Variants in GSS observed in about 807,000 individuals in gnomAD.
GSS encodes GSH synthetase.
GSS carries 34 observed loss-of-function variants against 60.4 expected under a neutral mutation model. The ratio of observed to expected loss-of-function variants is 0.56; its 90% confidence interval spans 0.43 to 0.75. The LOEUF (loss-of-function observed/expected upper bound fraction) is 0.75. Ranked by LOEUF, GSS falls within the 30% of genes least tolerant of loss-of-function variation. The pLI, the probability that GSS is intolerant of heterozygous loss-of-function variation, is 0.00. For missense variants in GSS, 499 were observed against 595.1 expected (o/e 0.84, Z 1.68); for synonymous variants, 224 against 239.0 (o/e 0.94, Z 0.58).
Position 34,941,739 on chromosome 20 carries a change from T to C in GSS, c.582A>G (p.Lys194=). Residue 194 remains lysine (K), a synonymous_variant, in exon 6 of 13, where the codon AAA becomes AAG. Coordinates refer to ENST00000651619, the MANE Select transcript of GSS (RefSeq NM_000178.4). Reference sequence around the variant, plus strand: ...TGGGTGAGCCGTAGAGCTCCCAGGCTTTGGCAATTCCCAGGGCCAGTCCCT... The same window carrying C: ...TGGGTGAGCCGTAGAGCTCCCAGGCCTTGGCAATTCCCAGGGCCAGTCCCT... ...PSKGLALGIA[K]AWELYGSPNA... is the part of the protein sequence containing the mutation. 6.2e-7 allele frequency: 1 copy of C among 1,608,640 alleles called. No homozygotes were observed.
intron 2 of GSS, chr20:34,951,408 C>A: frequency 2.9e-6 from 1 of 349,006 alleles, no homozygotes. Context: ...GGGCAAAGTG[C>A]TTCACATGAA....
chr20:34,951,586 T>G, intron 2 of GSS, 138 bp downstream of exon 2: 1 of 943,982 alleles, frequency 1.1e-6, no homozygotes, highest in Non-Finnish European at 1.6e-6. Flanking sequence ...TATTTTCTAC[T>G]TCTAGAGATC....
intron 6 of GSS, among the ~76,000 whole-genome samples, chr20:34,937,269 T>C (rs917678426): frequency 4.6e-5 from 7 of 152,330 alleles, no homozygotes; most frequent in South Asian, 2.1e-4. Context: ...CCTTCTCCAG[T>C]GGGCAGATGA....
Position 34,928,463 on chromosome 20 carries a change from G to GAATT in GSS, c.*361_*364dup. 1 of 362,522 alleles carries GAATT rather than the reference G, an allele frequency of 2.8e-6. No homozygotes were observed. The highest frequency in any genetic ancestry group is 5.3e-6 in the Non-Finnish European group (1 of 189,692). 22.5% of individuals were successfully genotyped at this position (362,522 alleles called of 1,614,324 possible). ...CAGCAATGCAGTTTTATTTAAGGCA[G>GAATT]AATTAGGGAAAGGCTATGCCCCTCC... On this transcript the variant is annotated 3_prime_UTR_variant, in exon 13 of 13. Coordinates refer to ENST00000651619, the MANE Select transcript of GSS (RefSeq NM_000178.4).
At chr20:34,950,307 G>A (rs2081558411) in intron 2 of GSS, among the ~76,000 whole-genome samples, 1 of 152,050 alleles carries the variant, frequency 6.6e-6, no homozygotes, top group African/African-American at 2.4e-5. Context: ...ATTTACTTGG[G>A]CCTTAGCAAA....
chr20:34,935,681 T>C (rs750506249), intron 8 of GSS, 39 bp from the exon 9 acceptor site: 1 of 1,480,754 alleles, frequency 6.8e-7, no homozygotes, highest in South Asian at 1.1e-5. Flanking sequence ...TGTTAAATTA[T>C]AACTGATTTG....
intron 4 of GSS, 34 bp from the exon 5 acceptor site, chr20:34,942,661 C>CT (rs2081493345): frequency 6.2e-7 from 1 of 1,608,574 alleles, no homozygotes; most frequent in Admixed American, 1.7e-5. Flanking sequence ...CAGTACCTGC[C>CT]CAGGGACTGA....
chr20:34,942,728 A>C (rs371180184), intron 4 of GSS, 101 bp from the exon 5 acceptor site: 1 of 1,224,714 alleles, frequency 8.2e-7, no homozygotes, highest in Non-Finnish European at 1.2e-6. Flanking sequence ...CAGAGATTAG[A>C]GGTACCAGCA....
At chr20:34,932,693 C>T (rs1161299923) in intron 9 of GSS, among the ~76,000 whole-genome samples, 2 of 152,162 alleles carry the variant, frequency 1.3e-5, no homozygotes, top group African/African-American at 2.4e-5. Flanking sequence ...TCCCTGTCCA[C>T]TCTATTTAAT....
At position 34,928,654 on chromosome 20, in the gene GSS, T is replaced by G; in HGVS notation, c.*174A>C. 4.1e-6 allele frequency: 3 copies of G among 724,250 alleles called. No homozygotes were observed. The highest frequency in any genetic ancestry group is 7.3e-6 in the Non-Finnish European group (3 of 412,516). The allele number at this position is 724,250 out of a possible 1,614,324, so 44.9% of individuals were successfully genotyped here. A position where few individuals can be genotyped will look rare whatever the true frequency, so the allele number is the denominator to read the frequency against. On this transcript the variant is annotated 3_prime_UTR_variant, in exon 13 of 13. Coordinates refer to ENST00000651619, the MANE Select transcript of GSS (RefSeq NM_000178.4). Reference sequence around the variant, plus strand: ...TCTCAAGGATTTGGGGGCGTCTAGATCTCATCTAAGGGAGACACAACTTTT... The same window carrying G: ...TCTCAAGGATTTGGGGGCGTCTAGAGCTCATCTAAGGGAGACACAACTTTT...
chr20:34,928,995 C>G (rs2081376155), intron 12 of GSS, 44 bp from the exon 13 acceptor site: 6 of 1,611,838 alleles, frequency 3.7e-6, no homozygotes, highest in Non-Finnish European at 4.2e-6. Context: ...TGGACTCAGC[C>G]CCAAACCCAG....
chr20:34,935,448 G>A, intron 9 of GSS, 128 bp downstream of exon 9: 4 of 750,192 alleles, frequency 5.3e-6, no homozygotes, highest in Non-Finnish European at 9.8e-6. Flanking sequence ...GGTTCTAGCA[G>A]CAAGCTCCCT....
chr20:34,951,584 A>G (rs2081568567), intron 2 of GSS, 140 bp downstream of exon 2: 9 of 919,192 alleles, frequency 9.8e-6, no homozygotes, highest in South Asian at 6.7e-5. Flanking sequence ...TTTATTTTCT[A>G]CTTCTAGAGA....
intron 2 of GSS, chr20:34,949,362 C>T (rs1280641739): frequency 6.6e-6 from 1 of 152,096 alleles, no homozygotes; most frequent in Non-Finnish European, 1.5e-5. Context: ...TGACGCTGGC[C>T]TGCCTTCTTT....
intron 5 of GSS, 90 bp downstream of exon 5, chr20:34,942,398 C>T (rs2081490223): frequency 7.9e-7 from 1 of 1,269,672 alleles, no homozygotes; most frequent in South Asian, 1.3e-5. Flanking sequence ...AAAGCACAAT[C>T]ATAGCTGGAG....
At chr20:34,931,270 A>G (rs1314072411) in intron 11 of GSS, 66 bp downstream of exon 11, 1 of 1,265,694 alleles carries the variant, frequency 7.9e-7, no homozygotes, top group African/African-American at 1.5e-5. Flanking sequence ...GTAAGTGCCA[A>G]TGAGCACTGG....
At chr20:34,946,283 T>G (rs1176348548) in intron 2 of GSS, among the ~76,000 whole-genome samples, 185 bp from the exon 3 acceptor site, 16 of 152,206 alleles carry the variant, frequency 1.1e-4, no homozygotes, top group Admixed American at 1.0e-3. Flanking sequence ...GATTCTGTGA[T>G]AGTTTATCTC....
At chr20:34,936,037 A>G (rs2236271) in intron 8 of GSS, among the ~76,000 whole-genome samples, 3 of 152,010 alleles carry the variant, frequency 2.0e-5, no homozygotes, top group African/African-American at 7.2e-5. Context: ...TGAAACCAGA[A>G]TGAAAAAATT....
chr20:34,951,471 A>G (rs1322760633), intron 2 of GSS: 3 of 500,792 alleles, frequency 6.0e-6, no homozygotes, highest in South Asian at 2.2e-5. Context: ...TTATTATCCC[A>G]TTTTTACACC....
Sources: allele counts gnomAD v4.1 joint callset (sites outside exome capture counted in the v4.1 genomes callset), GRCh38; gene constraint gnomAD v4.1.1; transcripts MANE v1.5; gene names NCBI Gene and HGNC (gene_info 2026-07-23, HGNC 2026-07-21).